Variants in RAPGEF5 observed in about 807,000 individuals in gnomAD.
RAPGEF5 encodes Rap guanine nucleotide exchange factor 5.
In RAPGEF5, 65 loss-of-function variants were observed where a neutral mutation model predicts 125.2. That is an observed-to-expected ratio of 0.52 (90% CI 0.43 to 0.64). The LOEUF (loss-of-function observed/expected upper bound fraction) is 0.64, where lower values mean the gene tolerates loss of function less well. RAPGEF5 is among the 30% of genes least tolerant of loss of function. RAPGEF5 has a pLI of 0.00. For synonymous variants in RAPGEF5, 391 were observed against 385.9 expected (o/e 1.01, Z -0.16); for missense variants, 958 against 1,048.1 (o/e 0.91, Z 1.19).
chr7:22,245,929 C>A (rs376868395), intron 7 of RAPGEF5, among the ~76,000 whole-genome samples: 3 of 152,046 alleles, frequency 2.0e-5, no homozygotes, highest in African/African-American at 7.2e-5. Flanking sequence ...TTTCTATACA[C>A]CAATAATGTT....
intron 7 of RAPGEF5, among the ~76,000 whole-genome samples, chr7:22,253,197 A>T (rs779665243): frequency 7.9e-5 from 12 of 152,202 alleles, no homozygotes; most frequent in Non-Finnish European, 1.5e-4. Flanking sequence ...ACATCCTAGG[A>T]ATCATCAATC....
chr7:22,159,966 A>T (rs1783934173), intron 14 of RAPGEF5, among the ~76,000 whole-genome samples: 1 of 152,104 alleles, frequency 6.6e-6, no homozygotes, highest in South Asian at 2.1e-4. Context: ...AAAAGTAGCC[A>T]GGTGTGGTGG....
chr7:22,273,315 T>C (rs1583538479), intron 6 of RAPGEF5, among the ~76,000 whole-genome samples: 2 of 144,896 alleles, frequency 1.4e-5, no homozygotes, highest in South Asian at 4.5e-4. Flanking sequence ...GCCTCCCGGG[T>C]TCACGCCATT....
At chr7:22,157,733 G>A (rs1231926510) in intron 15 of RAPGEF5, 122 bp downstream of exon 15, 11 of 1,074,312 alleles carry the variant, frequency 1.0e-5, no homozygotes, top group Admixed American at 2.2e-5. Flanking sequence ...AGCCCCAGGC[G>A]CCCCGCCTTG....
rs560953139 is a variant in RAPGEF5 at position 22,331,451 on chromosome 7, G to T, written c.232-13414C>A. Among the ~76,000 whole-genome samples the T allele has an allele frequency of 8.5e-5, 13 of 152,194 alleles. No individual in the cohort carries two copies. The South Asian group carries it at 2.3e-3, about 27-fold the overall frequency. On this transcript the variant is annotated intron_variant, in intron 1 of 25. Transcript: ENST00000665637. Reference sequence around the variant, plus strand: ...TAAAAGGTCAACACCCCTTTAAAAAGTTACAGGAGGTGGGCCAAGCACGGT... The same window carrying T: ...TAAAAGGTCAACACCCCTTTAAAAATTTACAGGAGGTGGGCCAAGCACGGT...
chr7:22,356,299 C>G, intron 1 of RAPGEF5: 1 of 976,522 alleles, frequency 1.0e-6, no homozygotes, highest in Non-Finnish European at 1.2e-6. Flanking sequence ...GACACCGGAA[C>G]CCAGGAACTG....
intron 23 of RAPGEF5, among the ~76,000 whole-genome samples, chr7:22,132,258 C>T (rs1782934641): frequency 6.6e-6 from 1 of 152,118 alleles, no homozygotes; most frequent in African/African-American, 2.4e-5. Context: ...TTACTGTCAC[C>T]AGGAGGTGAC....
chr7:22,329,750 G>A (rs1390462323), intron 1 of RAPGEF5, among the ~76,000 whole-genome samples: 2 of 152,194 alleles, frequency 1.3e-5, no homozygotes. Context: ...TCCAGGGTCA[G>A]GATCCAGCCC....
At chr7:22,142,396 C>T (rs1036655879) in intron 20 of RAPGEF5, among the ~76,000 whole-genome samples, 3 of 152,132 alleles carry the variant, frequency 2.0e-5, no homozygotes, top group Non-Finnish European at 4.4e-5. Flanking sequence ...TATTATTCTA[C>T]GTTTTATTGA....
chr7:22,333,496 T>C (rs958068889), intron 1 of RAPGEF5, among the ~76,000 whole-genome samples: 5 of 152,206 alleles, frequency 3.3e-5, no homozygotes, highest in Admixed American at 2.6e-4. Context: ...GTAGTTTTCT[T>C]TGAGCCAAAT....
chr7:22,331,744 C>CAAAAAAA (rs11406166), intron 1 of RAPGEF5, among the ~76,000 whole-genome samples: 10 of 94,782 alleles, frequency 1.1e-4, no homozygotes, highest in Non-Finnish European at 1.2e-4. Flanking sequence ...GACTCCATCT[C>CAAAAAAA]AAAAAAAAAA....
intron 1 of RAPGEF5, among the ~76,000 whole-genome samples, chr7:22,338,038 C>G (rs781117234): frequency 7.2e-5 from 11 of 152,196 alleles, no homozygotes; most frequent in Non-Finnish European, 5.9e-5. Flanking sequence ...AAAGAACTGT[C>G]AGTAGCATAA....
chr7:22,163,058 C>G (rs1163093346), intron 12 of RAPGEF5: 2 of 449,734 alleles, frequency 4.4e-6, no homozygotes, highest in Non-Finnish European at 8.9e-6. Context: ...CTCCTAGGAA[C>G]TTACTTGAAA....
At chr7:22,278,185 A>T (rs1325894802) in intron 6 of RAPGEF5, among the ~76,000 whole-genome samples, 4 of 152,056 alleles carry the variant, frequency 2.6e-5, no homozygotes, top group Non-Finnish European at 5.9e-5. Flanking sequence ...TTCATCTCAA[A>T]TTAACTCATT....
chr7:22,199,150 C>T (rs1464166467), intron 9 of RAPGEF5, among the ~76,000 whole-genome samples: 1 of 152,142 alleles, frequency 6.6e-6, no homozygotes, highest in Admixed American at 6.5e-5. Flanking sequence ...TTTGGGAAAG[C>T]CATACAAGGG....
chr7:22,266,560 T>G (rs144891402), intron 7 of RAPGEF5, among the ~76,000 whole-genome samples: 2 of 152,096 alleles, frequency 1.3e-5, no homozygotes. Context: ...AGAAACTACT[T>G]TGAGATTTTT....
chr7:22,305,922 T>C (rs1475841994), intron 5 of RAPGEF5, among the ~76,000 whole-genome samples: 1 of 152,214 alleles, frequency 6.6e-6, no homozygotes, highest in Admixed American at 6.5e-5. Flanking sequence ...CCATTGTGTA[T>C]ATGTACCACG....
chr7:22,277,903 T>A (rs117877423), intron 6 of RAPGEF5, among the ~76,000 whole-genome samples: 1 of 152,216 alleles, frequency 6.6e-6, no homozygotes, highest in Admixed American at 6.5e-5. Context: ...CTTAATTCTA[T>A]CTGTAAAGCA....
chr7:22,280,189 A>G (rs1357265110), intron 6 of RAPGEF5, among the ~76,000 whole-genome samples: 2 of 152,184 alleles, frequency 1.3e-5, no homozygotes, highest in Admixed American at 6.5e-5. Context: ...CAATGGCCTC[A>G]TACAGGAAAA....
Sources: allele counts gnomAD v4.1 joint callset (sites outside exome capture counted in the v4.1 genomes callset), GRCh38; gene constraint gnomAD v4.1.1; transcripts MANE v1.5; gene names NCBI Gene and HGNC (gene_info 2026-07-23, HGNC 2026-07-21).